TG: variants seen among roughly 807,000 people sequenced by gnomAD.
The protein encoded by TG is thyroid hormones.
In TG, 270 loss-of-function variants were observed where a neutral mutation model predicts 324.7. That is an observed-to-expected ratio of 0.83 (90% CI 0.75 to 0.92). TG has a LOEUF of 0.92. Among genes scored for constraint, TG ranks in the 40% least tolerant of loss-of-function variants. The pLI is 0.00. For missense variants in TG, 3,591 were observed against 3,456.4 expected (o/e 1.04, Z -0.98); for synonymous variants, 1,401 against 1,327.0 (o/e 1.06, Z -1.21).
intron 15 of TG, among the ~76,000 whole-genome samples, chr8:132,900,835 C>T (rs1001775922): frequency 7.2e-5 from 11 of 152,222 alleles, no homozygotes; most frequent in African/African-American, 2.7e-4. Flanking sequence ...TCTTTCTTCT[C>T]CATCAGTTGT....
chr8:133,085,856 A>G (rs1846458500), intron 41 of TG, among the ~76,000 whole-genome samples: 1 of 152,206 alleles, frequency 6.6e-6, no homozygotes, highest in African/African-American at 2.4e-5. Flanking sequence ...TGACCTAGCA[A>G]TTCCACCCCT....
chr8:132,882,474 G>C lies in TG; in HGVS notation c.751G>C (p.Glu251Gln), dbSNP rs765026795. The C allele has an allele frequency of 6.2e-7, 1 of 1,614,108 alleles. No individual in the cohort carries two copies. The highest frequency in any genetic ancestry group is 8.5e-7 in the Non-Finnish European group (1 of 1,179,988). Residue 251 changes from glutamate (E) to glutamine (Q), a missense_variant, in exon 7 of 48, where the codon GAG (glutamate) becomes CAG (glutamine). Transcript: ENST00000220616. Reference protein sequence around the residue: ...QGRELAETGLELLLDEIYDTI... With the variant: ...QGRELAETGLQLLLDEIYDTI... ...GTCTTGCTGTCTTTGCTCAGGTTTG[G>C]AGTTGTTACTGGATGAAATTTATGA...
chr8:133,133,755 G>A (rs1852130170), intron 47 of TG, 95 bp downstream of exon 47: 4 of 1,411,708 alleles, frequency 2.8e-6, no homozygotes, highest in Non-Finnish European at 2.9e-6. Flanking sequence ...GCGCATTGGA[G>A]CCAAGGGGTC....
intron 45 of TG, among the ~76,000 whole-genome samples, chr8:133,129,356 G>A (rs1467308730): frequency 5.3e-5 from 8 of 152,294 alleles, no homozygotes; most frequent in Middle Eastern, 3.4e-3. Context: ...ACAAGTTCAC[G>A]AGAGCTGGTG....
At chr8:132,972,877 G>A in intron 34 of TG, 136 bp downstream of exon 34, 1 of 1,192,404 alleles carries the variant, frequency 8.4e-7, no homozygotes, top group East Asian at 2.4e-5. Context: ...AATAGATTCT[G>A]TTTAACTTAA....
chr8:132,998,025 G>A (rs956685584), intron 35 of TG, among the ~76,000 whole-genome samples: 1 of 152,128 alleles, frequency 6.6e-6, no homozygotes, highest in Non-Finnish European at 1.5e-5. Flanking sequence ...ACACACTAAA[G>A]ATAAAGGAAG....
rs1050964101 is a variant in TG, at chr8:132,908,258, G to T, written c.3920G>T (p.Ser1307Ile). The T allele has an allele frequency of 1.2e-6, 2 of 1,613,884 alleles. No homozygotes were observed. The highest frequency in any genetic ancestry group is 1.1e-5 in the South Asian group (1 of 91,066). The part of the protein sequence containing the change: ...QLQLPPGKMC[S>I]ADYADLLQTF... Reference sequence around the variant, plus strand: ...CAGCTCCCGCCGGGCAAGATGTGCAGTGCTGACTACGCGGATTTGCTGCAG... The same window carrying T: ...CAGCTCCCGCCGGGCAAGATGTGCATTGCTGACTACGCGGATTTGCTGCAG... The change falls in exon 18 of 48, where the codon AGT becomes ATT. Residue 1307 changes from serine (S) to isoleucine (I), a missense_variant. Transcript: ENST00000220616.
intron 35 of TG, among the ~76,000 whole-genome samples, chr8:133,010,649 G>A (rs1191988034): frequency 9.2e-5 from 14 of 152,180 alleles, no homozygotes; most frequent in Non-Finnish European, 1.9e-4. Context: ...TTTGTGGAAA[G>A]TATGATACAT....
intron 35 of TG, among the ~76,000 whole-genome samples, chr8:133,004,834 G>A (rs546597588): frequency 2.6e-5 from 4 of 152,308 alleles, no homozygotes; most frequent in African/African-American, 9.6e-5. Context: ...CATGAGAATG[G>A]CCTGAGTGGG....
chr8:132,871,606 C>G, intron 4 of TG, 55 bp downstream of exon 4: 1 of 1,563,654 alleles, frequency 6.4e-7, no homozygotes, highest in South Asian at 1.1e-5. Flanking sequence ...TGAAGCTTTC[C>G]TCACTGCGAT....
chr8:132,972,649 G>A lies in TG; in HGVS notation c.6107G>A (p.Ser2036Asn), dbSNP rs1204087787. ...TLNSLGIQMC[S>N]EENGGAWRIL... ...AACAGCTTGGGAATTCAGATGTGCA[G>A]TGAGGAGAATGGAGGAGCCTGGCGC... The change falls in exon 34 of 48, where the codon AGT becomes AAT. Residue 2036 changes from serine (S) to asparagine (N), a missense_variant. By Grantham distance (46) the Ser-to-Asn change is conservative. Coordinates refer to ENST00000220616, the MANE Select transcript of TG (RefSeq NM_003235.5). 6.2e-7 allele frequency: 1 copy of A among 1,612,312 alleles called. No homozygotes were observed. The highest frequency in any genetic ancestry group is 8.5e-7 in the Non-Finnish European group (1 of 1,179,714).
In TG at chr8:132,934,960, T is replaced by C. The variant is rs1479453881; in HGVS notation, c.4933-796T>C. Among the ~76,000 whole-genome samples the C allele has an allele frequency of 2.6e-5, 4 of 152,028 alleles. No homozygotes were observed. In the East Asian group the frequency reaches 5.8e-4, roughly 22 times the overall value. On this transcript the variant is annotated intron_variant, in intron 24 of 47. Coordinates refer to ENST00000220616, the MANE Select transcript of TG (RefSeq NM_003235.5). ...TAGAAACTAAGTGCCTGTAAGGTCT[T>C]TCATAGCCAGCTCCAGCCTCTCTCT... is the stretch of plus-strand genomic sequence containing the variant.
At chr8:132,872,004 A>G (rs1161281822) in intron 4 of TG, among the ~76,000 whole-genome samples, 1 of 152,216 alleles carries the variant, frequency 6.6e-6, no homozygotes, top group Non-Finnish European at 1.5e-5. Flanking sequence ...GTGTGTGTGT[A>G]TCTCTTAGTT....
chr8:132,882,766 A>G, intron 7 of TG, 48 bp from the exon 8 acceptor site: 6 of 1,613,490 alleles, frequency 3.7e-6, no homozygotes, highest in Non-Finnish European at 4.2e-6. Flanking sequence ...CTGTGAAGAC[A>G]CCAAGCATTG....
At chr8:133,026,351 G>T (rs1032505340) in intron 40 of TG, among the ~76,000 whole-genome samples, 1 of 152,202 alleles carries the variant, frequency 6.6e-6, no homozygotes, top group African/African-American at 2.4e-5. Context: ...ACAAACGCAT[G>T]CTCTCTGGTG....
chr8:132,910,933 C>T (rs953343846), intron 18 of TG, among the ~76,000 whole-genome samples: 1 of 152,182 alleles, frequency 6.6e-6, no homozygotes, highest in South Asian at 2.1e-4. Flanking sequence ...CAGTACATCA[C>T]TCACAGAAAT....
intron 43 of TG, among the ~76,000 whole-genome samples, chr8:133,110,567 T>G (rs1043610835): frequency 1.3e-5 from 2 of 152,214 alleles, no homozygotes; most frequent in African/African-American, 2.4e-5. Flanking sequence ...GGGCCCTGTG[T>G]TAATGCTTCA....
chr8:133,043,633 A>G, intron 41 of TG, among the ~76,000 whole-genome samples: 1 of 152,180 alleles, frequency 6.6e-6, no homozygotes, highest in East Asian at 1.9e-4. Context: ...GACCTTGCCC[A>G]AGGCCTCACA....
At position 133,131,919 on chromosome 8, in the gene TG, A is replaced by G. The variant is rs146172131; in HGVS notation, c.7970A>G (p.Gln2657Arg). ...EEKSLSLKIMQYFSHFIRSGN... is the reference protein window; with the variant it reads ...EEKSLSLKIMRYFSHFIRSGN... Reference sequence around the variant, plus strand: ...AAGAGCCTGTCGCTGAAAATCATGCAGTACTTTTCCCACTTCATCAGATCA... The same window carrying G: ...AAGAGCCTGTCGCTGAAAATCATGCGGTACTTTTCCCACTTCATCAGATCA... The change falls in exon 46 of 48, where the codon CAG becomes CGG. Residue 2657 changes from glutamine (Q) to arginine (R), a missense_variant. By Grantham distance (43) the Gln-to-Arg change is conservative. Coordinates refer to ENST00000220616, the MANE Select transcript of TG (RefSeq NM_003235.5). The G allele has an allele frequency of 3.2e-5, 51 of 1,614,044 alleles. No homozygotes were observed. The African/African-American group carries it at 6.4e-4, about 20-fold the overall frequency.
Sources: gnomAD v4.1 joint callset for allele counts (sites outside exome capture counted in the v4.1 genomes callset) on GRCh38, gnomAD v4.1.1 for gene constraint, MANE v1.5 for transcripts, NCBI Gene and HGNC (gene_info 2026-07-23, HGNC 2026-07-21) for gene names.